The following GMEB1 variants were observed in gnomAD, a reference collection of about 807,000 sequenced individuals.
GMEB1 encodes glucocorticoid modulatory element-binding protein 1.
Under a neutral mutation model 52.4 loss-of-function variants are expected in GMEB1, and 6 were observed. The ratio of observed to expected loss-of-function variants is 0.11; its 90% CI spans 0.06 to 0.23. The LOEUF (loss-of-function observed/expected upper bound fraction) is 0.23, where lower values mean the gene tolerates loss of function less well. Among genes scored for constraint, GMEB1 ranks in the 10% least tolerant of loss-of-function variants. The pLI, the probability that GMEB1 is intolerant of heterozygous loss-of-function variation, is 1.00. For synonymous variants in GMEB1, 255 were observed against 244.9 expected (o/e 1.04, Z -0.38); for missense variants, 486 against 685.6 (o/e 0.71, Z 3.25).
intron 1 of GMEB1, among the ~76,000 whole-genome samples, chr1:28,678,624 A>G (rs929843901): frequency 1.3e-5 from 2 of 150,254 alleles, no homozygotes; most frequent in Admixed American, 1.3e-4. Context: ...CTAGTTTTAT[A>G]TAATTTTATT....
At chr1:28,711,423 C>G (rs1671056727) in intron 9 of GMEB1, among the ~76,000 whole-genome samples, 1 of 151,854 alleles carries the variant, frequency 6.6e-6, no homozygotes, top group African/African-American at 2.4e-5. Context: ...TTGTTTTCTG[C>G]TTTTTTTCAC....
chr1:28,686,906 G>A (rs1447320390), intron 2 of GMEB1, among the ~76,000 whole-genome samples: 1 of 152,084 alleles, frequency 6.6e-6, no homozygotes, highest in Non-Finnish European at 1.5e-5. Flanking sequence ...AGGGGAGACA[G>A]ACAGATAAAC....
rs1669317345 is a variant in GMEB1 at position 28,679,835 on chromosome 1, CTTG to C, written c.-30-3743_-30-3741del. Among the ~76,000 whole-genome samples the C allele has an allele frequency of 2.7e-5, 4 of 148,892 alleles. No homozygotes were observed. In the South Asian group the frequency reaches 6.4e-4, roughly 24 times the overall value. On this transcript the variant is annotated intron_variant, in intron 1 of 9. Transcript: ENST00000373816. ...TTTTTTTTTGAGTGGCAGTTTCACTCTTGTTGTCCGGGCTGGAGTCCAATGGCA... is the reference window on the plus strand; with the variant it reads ...TTTTTTTTTGAGTGGCAGTTTCACTCTTGTCCGGGCTGGAGTCCAATGGCA...
At chr1:28,711,871 G>A (rs77512243) in intron 9 of GMEB1, among the ~76,000 whole-genome samples, 105 of 152,276 alleles carry the variant, frequency 6.9e-4, no homozygotes, top group African/African-American at 2.5e-3. Context: ...AGTGGACACT[G>A]ACTGGGTATT....
At chr1:28,685,953 C>T (rs958931066) in intron 2 of GMEB1, among the ~76,000 whole-genome samples, 9 of 152,048 alleles carry the variant, frequency 5.9e-5, no homozygotes, top group Non-Finnish European at 1.3e-4. Context: ...AGAGAGACTC[C>T]GTCTCAAAAC....
At chr1:28,685,737 G>A (rs979799752) in intron 2 of GMEB1, among the ~76,000 whole-genome samples, 1 of 152,082 alleles carries the variant, frequency 6.6e-6, no homozygotes, top group African/African-American at 2.4e-5. Flanking sequence ...GAGGTGGGCG[G>A]ATCACGAGGT....
At chr1:28,701,947 C>T (rs1409426937) in intron 6 of GMEB1, among the ~76,000 whole-genome samples, 1 of 152,108 alleles carries the variant, frequency 6.6e-6, no homozygotes, top group Non-Finnish European at 1.5e-5. Context: ...TTTTTATGGT[C>T]TCCATTTCTT....
In GMEB1 at chr1:28,714,794, A is replaced by G. The variant is rs1429019686; in HGVS notation, c.*21A>G. 9.4e-6 allele frequency: 14 copies of G among 1,487,882 alleles called. No individual in the cohort carries two copies. The South Asian group carries it at 1.4e-4, about 15-fold the overall frequency. 92.2% of individuals were successfully genotyped at this position (1,487,882 alleles called of 1,614,324 possible). On this transcript the variant is annotated 3_prime_UTR_variant, in exon 10 of 10. Transcript: ENST00000373816. The stretch of plus-strand genomic sequence containing the variant: ...ATTAACTGGGGATCTCAGGGCCAGG[A>G]GTTATGTTTTGATTTGGAATTTTAA...
intron 2 of GMEB1, among the ~76,000 whole-genome samples, chr1:28,688,631 C>T (rs1461164460): frequency 2.0e-5 from 3 of 152,032 alleles, no homozygotes; most frequent in Admixed American, 2.0e-4. Flanking sequence ...TACTTTTCTT[C>T]CACTAGGCTT....
chr1:28,694,558 T>C (rs1215360601), intron 5 of GMEB1, among the ~76,000 whole-genome samples: 4 of 149,854 alleles, frequency 2.7e-5, no homozygotes, highest in Non-Finnish European at 4.4e-5. Flanking sequence ...AAGGCTGGAG[T>C]GCATTGGCAT....
rs552247758 is a variant in GMEB1, at chr1:28,703,989, C to T, written c.731-203C>T. Among the ~76,000 whole-genome samples, 6 of 151,702 alleles carry T rather than the reference C, an allele frequency of 4.0e-5. No homozygotes were observed. In the East Asian group the frequency reaches 7.7e-4, roughly 20 times the overall value. On this transcript the variant is annotated intron_variant, in intron 7 of 9. Coordinates refer to ENST00000373816, the MANE Select transcript of GMEB1 (RefSeq NM_001319674.2). ...CAAATTGAGGCAATCATCCCAAGCACCTATGCTGCTGAAGGGGCGACATAA... is the reference window on the plus strand; with the variant it reads ...CAAATTGAGGCAATCATCCCAAGCATCTATGCTGCTGAAGGGGCGACATAA...
At chr1:28,692,885 C>G in intron 4 of GMEB1, 57 bp from the exon 5 acceptor site, 3 of 827,250 alleles carry the variant, frequency 3.6e-6, no homozygotes, top group East Asian at 5.2e-5. Flanking sequence ...CATTATTTCC[C>G]CTCTTGGCCT....
chr1:28,694,272 C>T (rs367917868), intron 5 of GMEB1, among the ~76,000 whole-genome samples: 1 of 149,504 alleles, frequency 6.7e-6, no homozygotes, highest in Non-Finnish European at 1.5e-5. Flanking sequence ...CTCACTGCAA[C>T]CTCTGCCTCC....
At position 28,714,979 on chromosome 1, in the gene GMEB1, G is replaced by GT. The variant is rs1409108526; in HGVS notation, c.*207dup. 1.8e-6 allele frequency: 1 copy of GT among 559,142 alleles called. No individual in the cohort carries two copies. The highest frequency in any genetic ancestry group is 1.9e-5 in the African/African-American group (1 of 53,194). The allele number at this position is 559,142 out of a possible 1,614,324, so 34.6% of individuals were successfully genotyped here. On this transcript the variant is annotated 3_prime_UTR_variant, in exon 10 of 10. Coordinates refer to ENST00000373816, the MANE Select transcript of GMEB1 (RefSeq NM_001319674.2). ...CAAGCTGCCCTTCCAGAAGTTGAGA[G>GT]TAGGTCATTCAATGTCCTAATCATC...
rs1273795958 is a variant in GMEB1, at chr1:28,696,966, T to C, written c.480T>C (p.His160=). The change falls in exon 6 of 10, where the codon CAT becomes CAC. Residue 160 remains histidine, a synonymous_variant. Transcript: ENST00000373816. ...CCGGACAGATTGATTTTTACCAACA[T>C]GACAAAGTTTGCTCCAATACCTGCA... is the stretch of plus-strand genomic sequence containing the variant. ...MDSGQIDFYQ[H]DKVCSNTCRS... is the part of the protein sequence containing the mutation. 6.2e-7 allele frequency: 1 copy of C among 1,611,280 alleles called. No homozygotes were observed. The highest frequency in any genetic ancestry group is 1.1e-5 in the South Asian group (1 of 90,704).
At chr1:28,679,898 C>A (rs917400629) in intron 1 of GMEB1, among the ~76,000 whole-genome samples, 1 of 151,824 alleles carries the variant, frequency 6.6e-6, no homozygotes. Context: ...CTCTGCCTCC[C>A]GGGTTCAAGC....
At chr1:28,670,472 C>T (rs965749571) in intron 1 of GMEB1, among the ~76,000 whole-genome samples, 3 of 152,110 alleles carry the variant, frequency 2.0e-5, no homozygotes, top group Non-Finnish European at 4.4e-5. Context: ...GGGCTACAGG[C>T]GCCCGCCACC....
At chr1:28,696,822 T>G (rs563099929) in intron 5 of GMEB1, 105 bp from the exon 6 acceptor site, 2 of 838,090 alleles carry the variant, frequency 2.4e-6, no homozygotes, top group Non-Finnish European at 3.7e-6. Context: ...GTTTCACTAA[T>G]CTACACAGTA....
In GMEB1 at chr1:28,715,151, C is replaced by G. The variant is rs1031749349; in HGVS notation, c.*378C>G. On this transcript the variant is annotated 3_prime_UTR_variant, in exon 10 of 10. Transcript: ENST00000373816. ...ATTGACCAAACTCTGGAACACAGAT[C>G]TGACACTGGAAGGCAACCCACTCGC... is the stretch of plus-strand genomic sequence containing the variant. The G allele has an allele frequency of 5.3e-6, 1 of 189,404 alleles. No homozygotes were observed. The highest frequency in any genetic ancestry group is 1.1e-5 in the Non-Finnish European group (1 of 89,510). 11.7% of individuals were successfully genotyped at this position (189,404 alleles called of 1,614,324 possible). A position where few individuals can be genotyped will look rare whatever the true frequency, so the allele number is the denominator to read the frequency against.
Sources: gnomAD v4.1 joint callset for allele counts (sites outside exome capture counted in the v4.1 genomes callset) on GRCh38, gnomAD v4.1.1 for gene constraint, MANE v1.5 for transcripts, NCBI Gene and HGNC (gene_info 2026-07-23, HGNC 2026-07-21) for gene names.